Variants in TYROBP observed in about 807,000 individuals in gnomAD.
TYROBP encodes the protein TYRO protein tyrosine kinase-binding protein.
Under a neutral mutation model 17.1 loss-of-function variants are expected in TYROBP, and 14 were observed. That is an observed-to-expected ratio of 0.82 (90% CI 0.54 to 1.28). TYROBP has a LOEUF of 1.28. Among genes scored for constraint, TYROBP ranks in the 50% most tolerant of loss-of-function variants. TYROBP has a pLI of 0.00. For missense variants in TYROBP, 161 were observed against 151.4 expected (o/e 1.06, Z -0.33); for synonymous variants, 73 against 67.4 (o/e 1.08, Z -0.41).
At chr19:35,904,786 C>T (rs1568503215) in intron 4 of TYROBP, 152 bp from the exon 5 acceptor site, 1 of 715,912 alleles carries the variant, frequency 1.4e-6, no homozygotes, top group Non-Finnish European at 2.4e-6. Flanking sequence ...TCCCCCTTCT[C>T]CTCTGCCTCA....
At position 35,904,534 on chromosome 19, in the gene TYROBP, C is replaced by G; in HGVS notation, c.*35G>C. ...GGGTGGGCTTCAGGAATGGCTGGAT[C>G]CAGGTATCATGTTGCTGACTGTCAT... On this transcript the variant is annotated 3_prime_UTR_variant, in exon 5 of 5. Coordinates refer to ENST00000262629, the MANE Select transcript of TYROBP (RefSeq NM_003332.4). 3 of 1,608,374 alleles carry G rather than the reference C, an allele frequency of 1.9e-6. No individual in the cohort carries two copies. The highest frequency in any genetic ancestry group is 2.6e-6 in the Non-Finnish European group (3 of 1,176,282).
At chr19:35,908,116 C>A in intron 1 of TYROBP, 52 bp downstream of exon 1, 2 of 1,541,146 alleles carry the variant, frequency 1.3e-6, no homozygotes, top group Middle Eastern at 3.5e-4. Flanking sequence ...CCTGCCCTGC[C>A]CCAAGCTGAG....
Position 35,907,208 on chromosome 19 carries a change from G to C in TYROBP, c.276+10C>G. ...AGTGAAATGTGAGGAGGACAGTCTG[G>C]TTTTCTCACCTGATAAGGCGACTCG... On this transcript the variant is annotated intron_variant, in intron 4 of 4. Transcript: ENST00000262629. 6.3e-7 allele frequency: 1 copy of C among 1,598,074 alleles called. No homozygotes were observed.
intron 3 of TYROBP, 77 bp from the exon 4 acceptor site, chr19:35,907,341 C>T (rs1407779172): frequency 2.5e-6 from 4 of 1,606,198 alleles, no homozygotes; most frequent in Admixed American, 1.7e-5. Flanking sequence ...TCCAAATCAG[C>T]ACCTCCATTA....
Position 35,908,266 on chromosome 19 carries a change from G to A in TYROBP, c.-38C>T, listed in dbSNP as rs202135885. 54 of 1,585,750 alleles carry A rather than the reference G, an allele frequency of 3.4e-5. No individual in the cohort carries two copies. Among genetic ancestry groups the A allele is most frequent in the African/African-American group, 2.7e-4 (20 of 74,364 alleles). Reference sequence around the variant, plus strand: ...TGCTGGACACCACAGTGTAAGGGCCGGTGGGATGTGGCGCAGCGTCCAGGC... The same window carrying A: ...TGCTGGACACCACAGTGTAAGGGCCAGTGGGATGTGGCGCAGCGTCCAGGC... On this transcript the variant is annotated 5_prime_UTR_variant, in exon 1 of 5. Transcript: ENST00000262629.
chr19:35,907,163 G>A, intron 4 of TYROBP, 55 bp downstream of exon 4: 2 of 1,523,682 alleles, frequency 1.3e-6, no homozygotes, highest in Non-Finnish European at 1.8e-6. Context: ...GGAGTATCTG[G>A]GGCAGATATC....
At chr19:35,907,088 A>T in intron 4 of TYROBP, 130 bp downstream of exon 4, 1 of 884,348 alleles carries the variant, frequency 1.1e-6, no homozygotes, top group Admixed American at 2.0e-5. Flanking sequence ...CAGATGTCCC[A>T]TGTGCCTTCA....
At chr19:35,907,896 A>G in intron 1 of TYROBP, 134 bp from the exon 2 acceptor site, 1 of 962,922 alleles carries the variant, frequency 1.0e-6, no homozygotes. Context: ...GGCGGGACTC[A>G]GGGGGCTGGC....
intron 4 of TYROBP, among the ~76,000 whole-genome samples, chr19:35,906,039 G>C (rs1001882725): frequency 6.6e-6 from 1 of 151,622 alleles, no homozygotes; most frequent in Admixed American, 6.6e-5. Flanking sequence ...GTAATCCCAA[G>C]ATTTTCGGAG....
intron 4 of TYROBP, among the ~76,000 whole-genome samples, chr19:35,906,274 A>G (rs1975722956): frequency 6.6e-6 from 1 of 152,058 alleles, no homozygotes; most frequent in Non-Finnish European, 1.5e-5. Context: ...TATTTTTAGT[A>G]GAGATGGGGT....
In TYROBP at chr19:35,907,524, G is replaced by A. The variant is rs1245608581; in HGVS notation, c.151C>T (p.Leu51=). The A allele has an allele frequency of 1.2e-6, 2 of 1,613,770 alleles. No homozygotes were observed. Among genetic ancestry groups the A allele is most frequent in the South Asian group, 1.1e-5 (1 of 91,082 alleles). The part of the protein sequence containing the change: ...GVLAGIVMGD[L]VLTVLIALAV... Reference sequence around the variant, plus strand: ...AGGGCAATGAGCACTGTCAGCACCAGGTCTCCCATCACGATCCCTGCCAGC... The same window carrying A: ...AGGGCAATGAGCACTGTCAGCACCAAGTCTCCCATCACGATCCCTGCCAGC... The change falls in exon 3 of 5, where the codon CTG becomes TTG. Residue 51 remains leucine (L), a synonymous_variant. Coordinates refer to ENST00000262629, the MANE Select transcript of TYROBP (RefSeq NM_003332.4).
In TYROBP at chr19:35,908,220, T is replaced by TC; in HGVS notation, c.8dup (p.Leu4ThrfsTer2). On this transcript the variant is annotated frameshift_variant, in exon 1 of 5. Coordinates refer to ENST00000262629, the MANE Select transcript of TYROBP (RefSeq NM_003332.4). LOFTEE classifies it high-confidence loss of function. The stretch of plus-strand genomic sequence containing the variant: ...GCAGGAGCCTGCTGCAGGGTTCAAG[T>TC]CCCCCCATGAAGCCGGATGCTGCTG... 2 of 1,613,054 alleles carry TC rather than the reference T, an allele frequency of 1.2e-6. No individual in the cohort carries two copies. The highest frequency in any genetic ancestry group is 1.7e-6 in the Non-Finnish European group (2 of 1,179,746).
chr19:35,907,874 G>A, intron 1 of TYROBP, 112 bp from the exon 2 acceptor site: 1 of 1,164,342 alleles, frequency 8.6e-7, no homozygotes. Context: ...TAGCAAGGGG[G>A]AGAGCGTGTC....
Position 35,907,439 on chromosome 19 carries a change from C to A in TYROBP, c.229+7G>T, listed in dbSNP as rs768644319. The A allele has an allele frequency of 6.2e-7, 1 of 1,613,228 alleles. No individual in the cohort carries two copies. Among genetic ancestry groups the A allele is most frequent in the Admixed American group, 1.7e-5 (1 of 60,000 alleles). The stretch of plus-strand genomic sequence containing the variant: ...TCCTCAGGATGTCCCCTGCTAGCCC[C>A]ACTCACCCTCCGCAGCCCCTCGCCC... On this transcript the variant is annotated splice_region_variant and intron_variant, in intron 3 of 4. Transcript: ENST00000262629.
At chr19:35,904,828 G>T (rs1056401814) in intron 4 of TYROBP, among the ~76,000 whole-genome samples, 194 bp from the exon 5 acceptor site, 2 of 151,976 alleles carry the variant, frequency 1.3e-5, no homozygotes, top group Non-Finnish European at 2.9e-5. Context: ...GTCCCTGCGT[G>T]TGCTGTTTCC....
chr19:35,906,236 G>T (rs1290088569), intron 4 of TYROBP, among the ~76,000 whole-genome samples: 2 of 151,382 alleles, frequency 1.3e-5, no homozygotes, highest in Non-Finnish European at 2.9e-5. Flanking sequence ...AATTACAGGC[G>T]CATGACACCA....
At chr19:35,907,383 T>G (rs1355276858) in intron 3 of TYROBP, 63 bp downstream of exon 3, 28 of 1,601,822 alleles carry the variant, frequency 1.7e-5, no homozygotes, top group African/African-American at 4.0e-5. Flanking sequence ...ATCTGGGAGT[T>G]TACCCAGCCC....
In TYROBP at chr19:35,907,522, C is replaced by A; in HGVS notation, c.153G>T (p.Leu51=). ...CCAGGGCAATGAGCACTGTCAGCAC[C>A]AGGTCTCCCATCACGATCCCTGCCA... ...GVLAGIVMGD[L]VLTVLIALAV... is the part of the protein sequence containing the mutation. Residue 51 remains leucine, a synonymous_variant, in exon 3 of 5, where the codon CTG becomes CTT. Coordinates refer to ENST00000262629, the MANE Select transcript of TYROBP (RefSeq NM_003332.4). 6.2e-7 allele frequency: 1 copy of A among 1,613,796 alleles called. No homozygotes were observed. The highest frequency in any genetic ancestry group is 8.5e-7 in the Non-Finnish European group (1 of 1,179,772).
rs970439009 is a variant in TYROBP at position 35,904,427 on chromosome 19, G to A, written c.*142C>T. 3 of 895,212 alleles carry A rather than the reference G, an allele frequency of 3.4e-6. No individual in the cohort carries two copies. Among genetic ancestry groups the A allele is most frequent in the Non-Finnish European group, 5.4e-6 (3 of 555,986 alleles). 55.5% of individuals were successfully genotyped at this position (895,212 alleles called of 1,614,324 possible). A position where few individuals can be genotyped will look rare whatever the true frequency, so the allele number is the denominator to read the frequency against. On this transcript the variant is annotated 3_prime_UTR_variant, in exon 5 of 5. Transcript: ENST00000262629. ...GTTTTTGTGCTTCATGTTTATTTTA[G>A]GAGAGTATTGGGGAGCGGTCTGGTC... is the stretch of plus-strand genomic sequence containing the variant.
Sources: gnomAD v4.1 joint callset for allele counts (sites outside exome capture counted in the v4.1 genomes callset) on GRCh38, gnomAD v4.1.1 for gene constraint, MANE v1.5 for transcripts, NCBI Gene and HGNC (gene_info 2026-07-23, HGNC 2026-07-21) for gene names.